Variants in GMDS observed in about 807,000 individuals in gnomAD.
GMDS encodes GDP-mannose 4,6-dehydratase, also known as GDP-mannose 4,6 dehydratase.
In GMDS, 20 loss-of-function variants were observed where a neutral mutation model predicts 49.9. The ratio of observed to expected loss-of-function variants is 0.40; its 90% CI spans 0.28 to 0.58. The LOEUF is 0.58. Ranked by LOEUF, GMDS falls within the 20% of genes least tolerant of loss-of-function variation. The pLI, the probability that GMDS is intolerant of heterozygous loss-of-function variation, is 0.42. For missense variants in GMDS, 362 were observed against 481.4 expected, an observed-to-expected ratio of 0.75 and a Z score of 2.32; for synonymous variants, 177 against 178.6, an observed-to-expected ratio of 0.99 and a Z score of 0.07.
At chr6:2,067,692 A>T (rs1771702050) in intron 4 of GMDS, among the ~76,000 whole-genome samples, 1 of 152,176 alleles carries the variant, frequency 6.6e-6, no homozygotes, top group African/African-American at 2.4e-5. Context: ...CTCGACACAT[A>T]CACTCTCCCA....
At chr6:1,956,068 G>A (rs776334021) in intron 6 of GMDS, among the ~76,000 whole-genome samples, 1 of 152,172 alleles carries the variant, frequency 6.6e-6, no homozygotes, top group African/African-American at 2.4e-5. Context: ...TTCTGCTTAA[G>A]GACTGGCTCA....
At chr6:2,242,917 C>T (rs1440094636) in intron 1 of GMDS, among the ~76,000 whole-genome samples, 1 of 152,180 alleles carries the variant, frequency 6.6e-6, no homozygotes, top group African/African-American at 2.4e-5. Flanking sequence ...TGCATTAACA[C>T]CACAGTGCTC....
At chr6:1,648,778 G>A (rs1254599408) in intron 9 of GMDS, among the ~76,000 whole-genome samples, 3 of 152,140 alleles carry the variant, frequency 2.0e-5, no homozygotes, top group African/African-American at 4.8e-5. Context: ...CCGTTTTACT[G>A]GTCTAAGTTT....
chr6:1,733,368 A>G (rs1288165462), intron 8 of GMDS, among the ~76,000 whole-genome samples: 1 of 152,186 alleles, frequency 6.6e-6, no homozygotes, highest in East Asian at 1.9e-4. Flanking sequence ...AGCTACTTGG[A>G]TAGGGTGTCG....
chr6:1,813,182 G>A (rs1270335457), intron 7 of GMDS, among the ~76,000 whole-genome samples: 65 of 131,248 alleles, frequency 5.0e-4, no homozygotes, highest in African/African-American at 1.9e-3. Flanking sequence ...TGAATGTGCC[G>A]CCGCACTGAA....
chr6:1,641,648 G>A (rs1370434686), intron 9 of GMDS, among the ~76,000 whole-genome samples: 2 of 152,174 alleles, frequency 1.3e-5, no homozygotes, highest in African/African-American at 4.8e-5. Context: ...CCATTCTGCT[G>A]CTCAAGGCAT....
intron 4 of GMDS, among the ~76,000 whole-genome samples, chr6:2,067,731 T>G (rs929962569): frequency 1.3e-5 from 2 of 152,178 alleles, no homozygotes; most frequent in Non-Finnish European, 2.9e-5. Context: ...GTTGAATCTC[T>G]GAATAGACCA....
At chr6:2,235,650 A>C (rs1338709741) in intron 1 of GMDS, among the ~76,000 whole-genome samples, 1 of 151,818 alleles carries the variant, frequency 6.6e-6, no homozygotes, top group African/African-American at 2.4e-5. Context: ...AACAAAAAAA[A>C]AAAATACAAA....
intron 4 of GMDS, among the ~76,000 whole-genome samples, chr6:2,100,088 C>T (rs2127484905): frequency 6.6e-6 from 1 of 152,168 alleles, no homozygotes; most frequent in Admixed American, 6.5e-5. Context: ...TATGTGTCTT[C>T]CTCACAGGTT....
chr6:2,025,359 TGTGTGTG>T, intron 4 of GMDS, among the ~76,000 whole-genome samples: 1 of 536 alleles, frequency 1.9e-3, no homozygotes, highest in African/African-American at 2.5e-3. Flanking sequence ...GATGGTGGGG[TGTGTGTG>T]TGTGTGTGTG....
At chr6:2,105,771 T>A (rs1774209359) in intron 4 of GMDS, among the ~76,000 whole-genome samples, 1 of 152,210 alleles carries the variant, frequency 6.6e-6, no homozygotes, top group South Asian at 2.1e-4. Flanking sequence ...AACAGGTTTT[T>A]TTACCCTGAT....
intron 7 of GMDS, among the ~76,000 whole-genome samples, chr6:1,864,716 C>T (rs908119234): frequency 6.6e-6 from 1 of 152,166 alleles, no homozygotes; most frequent in African/African-American, 2.4e-5. Flanking sequence ...AGTGCACCGC[C>T]TCACTGCCTA....
chr6:2,244,721 C>G (rs1202629528), intron 1 of GMDS, among the ~76,000 whole-genome samples: 1 of 152,222 alleles, frequency 6.6e-6, no homozygotes, highest in Non-Finnish European at 1.5e-5. Flanking sequence ...CAACCTGAAT[C>G]TCAGAAGTTG....
At chr6:1,779,462 G>A (rs1383823297) in intron 7 of GMDS, among the ~76,000 whole-genome samples, 1 of 152,182 alleles carries the variant, frequency 6.6e-6, no homozygotes, top group Non-Finnish European at 1.5e-5. Context: ...AACTGTGTGT[G>A]AATTGAGAAG....
At chr6:2,001,200 G>T (rs1316590818) in intron 4 of GMDS, among the ~76,000 whole-genome samples, 1 of 152,096 alleles carries the variant, frequency 6.6e-6, no homozygotes, top group African/African-American at 2.4e-5. Context: ...GATATGGACT[G>T]GTATTTCATT....
At chr6:2,056,767 G>C (rs1380141881) in intron 4 of GMDS, among the ~76,000 whole-genome samples, 3 of 152,110 alleles carry the variant, frequency 2.0e-5, no homozygotes, top group Non-Finnish European at 2.9e-5. Flanking sequence ...TCTTGTTTTA[G>C]AATAATTTTT....
intron 7 of GMDS, among the ~76,000 whole-genome samples, chr6:1,928,366 G>GAA (rs79258986): frequency 1.8e-4 from 23 of 129,070 alleles, no homozygotes; most frequent in Middle Eastern, 4.3e-3. Context: ...TCTGCCTTAA[G>GAA]AAAAAAAAAA....
At chr6:1,669,917 C>CAAAAAAAAA (rs66490758) in intron 9 of GMDS, among the ~76,000 whole-genome samples, 3 of 45,228 alleles carry the variant, frequency 6.6e-5, no homozygotes, top group Non-Finnish European at 7.1e-5. Flanking sequence ...GACTCCATCT[C>CAAAAAAAAA]AAAAAAAAAA....
chr6:2,075,044 G>A (rs1197447141), intron 4 of GMDS, among the ~76,000 whole-genome samples: 2 of 152,066 alleles, frequency 1.3e-5, no homozygotes, highest in Admixed American at 6.5e-5. Flanking sequence ...GATTACTATA[G>A]TCTTGAAATA....
Sources: allele counts gnomAD v4.1 joint callset (sites outside exome capture counted in the v4.1 genomes callset), GRCh38; gene constraint gnomAD v4.1.1; transcripts MANE v1.5; gene names NCBI Gene and HGNC (gene_info 2026-07-23, HGNC 2026-07-21).